TRAPPC13: variants seen among roughly 807,000 people sequenced by gnomAD.
TRAPPC13 encodes the protein trafficking protein particle complex subunit 13.
In TRAPPC13, 39 loss-of-function variants were observed where a neutral mutation model predicts 54.0. That is an observed-to-expected ratio of 0.72 (90% CI 0.56 to 0.94). The LOEUF is 0.94. TRAPPC13 is among the 40% of genes least tolerant of loss of function. The pLI is 0.00. For missense variants in TRAPPC13, 386 were observed against 488.1 expected (o/e 0.79, Z 1.97); for synonymous variants, 148 against 167.7 (o/e 0.88, Z 0.91).
At chr5:65,629,458 T>C in intron 1 of TRAPPC13, 2 of 1,415,956 alleles carry the variant, frequency 1.4e-6, no homozygotes, top group Non-Finnish European at 1.8e-6. Flanking sequence ...TTGCAATACT[T>C]CTACTTTAGG....
In TRAPPC13 at chr5:65,636,388, C is replaced by T. The variant is rs151183355; in HGVS notation, c.215+345C>T. On this transcript the variant is annotated intron_variant, in intron 3 of 12. Transcript: ENST00000399438. Reference sequence around the variant, plus strand: ...AACTCCTGACATCAGGTGATCCACCCGCCTCAGCCTCCCAAAGTGCTTGGA... The same window carrying T: ...AACTCCTGACATCAGGTGATCCACCTGCCTCAGCCTCCCAAAGTGCTTGGA... Among the ~76,000 whole-genome samples the T allele has an allele frequency of 4.1e-3, 617 of 152,078 alleles. 10 individuals are homozygous for T. The highest frequency in any genetic ancestry group is 0.023 in the East Asian group (120 of 5,182).
At position 65,643,677 on chromosome 5, in the gene TRAPPC13, T is replaced by C. The variant is rs570089173; in HGVS notation, c.301-3378T>C. Among the ~76,000 whole-genome samples the C allele has an allele frequency of 5.3e-4, 80 of 151,288 alleles. 1 individual carries two copies. The highest frequency in any genetic ancestry group is 7.4e-4 in the Non-Finnish European group (50 of 67,794). On this transcript the variant is annotated intron_variant, in intron 4 of 12. Coordinates refer to ENST00000399438, the MANE Select transcript of TRAPPC13 (RefSeq NM_024941.4). ...ACTAAAAATACAAAAATTAGCCGGG[T>C]GTGATGGCGGGCGCCTGTAGTCCCA...
At chr5:65,638,058 G>A (rs1180047643) in intron 4 of TRAPPC13, among the ~76,000 whole-genome samples, 1 of 150,468 alleles carries the variant, frequency 6.6e-6, no homozygotes, top group Non-Finnish European at 1.5e-5. Flanking sequence ...GGGAGGTGAA[G>A]GTTGCAGTGA....
At chr5:65,636,120 G>A (rs10471665) in intron 3 of TRAPPC13, 77 bp downstream of exon 3, 1 of 942,460 alleles carries the variant, frequency 1.1e-6, no homozygotes, top group African/African-American at 1.7e-5. Context: ...CCATGGGATG[G>A]GGAAATGCTC....
At chr5:65,658,873 C>T (rs1408042115) in intron 9 of TRAPPC13, among the ~76,000 whole-genome samples, 1 of 151,976 alleles carries the variant, frequency 6.6e-6, no homozygotes, top group Non-Finnish European at 1.5e-5. Flanking sequence ...GTGCATGCCA[C>T]CACGCTTGGT....
In TRAPPC13 at chr5:65,630,100, A is replaced by G. The variant is rs1755464541; in HGVS notation, c.46+4994A>G. On this transcript the variant is annotated intron_variant, in intron 1 of 12. Transcript: ENST00000399438. ...CACTTTATAGAGCAAGATGGACAAT[A>G]GAACACACTATTTGTAACAGCCAAA... 2.6e-6 allele frequency: 4 copies of G among 1,536,116 alleles called. No individual in the cohort carries two copies. In the African/African-American group the frequency reaches 5.5e-5, roughly 21 times the overall value.
At chr5:65,631,112 G>C (rs547225714) in intron 1 of TRAPPC13, among the ~76,000 whole-genome samples, 1 of 152,308 alleles carries the variant, frequency 6.6e-6, no homozygotes, top group South Asian at 2.1e-4. Flanking sequence ...TTTGCACTAG[G>C]TGCTAGGATA....
At chr5:65,663,243 G>A (rs901403312) in intron 11 of TRAPPC13, 1 of 151,794 alleles carries the variant, frequency 6.6e-6, no homozygotes, top group African/African-American at 2.4e-5. Context: ...TTAACTTTTG[G>A]TGATTCATAC....
chr5:65,632,933 A>G (rs1306620938), intron 1 of TRAPPC13, among the ~76,000 whole-genome samples: 2 of 152,212 alleles, frequency 1.3e-5, no homozygotes, highest in African/African-American at 4.8e-5. Context: ...TATTCAGGGA[A>G]GATCTGAATA....
intron 4 of TRAPPC13, among the ~76,000 whole-genome samples, chr5:65,645,067 G>A (rs1235836098): frequency 5.3e-5 from 8 of 151,622 alleles, no homozygotes; most frequent in Admixed American, 3.3e-4. Context: ...ATGTGGTGAC[G>A]GGCGCCTGTA....
At chr5:65,653,432 A>G (rs1235164397) in intron 7 of TRAPPC13, among the ~76,000 whole-genome samples, 1 of 152,190 alleles carries the variant, frequency 6.6e-6, no homozygotes, top group Non-Finnish European at 1.5e-5. Flanking sequence ...TTTACTCAGT[A>G]AAATTTATAC....
chr5:65,664,239 A>G lies in TRAPPC13; in HGVS notation c.1001A>G (p.Glu334Gly), dbSNP rs375122953. 10 of 1,613,184 alleles carry G rather than the reference A, an allele frequency of 6.2e-6. No individual in the cohort carries two copies. Among genetic ancestry groups the G allele is most frequent in the Non-Finnish European group, 8.5e-6 (10 of 1,179,584 alleles). ...HITCKITNCS[E>G]RTMDLVLEMC... ...TATTATTCTGATTCCTCCAGCAGTG[A>G]AAGGACTATGGATCTGGTTTTGGAA... is the stretch of plus-strand genomic sequence containing the variant. Residue 334 changes from glutamate (E) to glycine (G), a missense_variant and splice_region_variant, in exon 12 of 13, where the codon GAA becomes GGA. By Grantham distance (98) the Glu-to-Gly change is moderately conservative (BLOSUM62 -2). Coordinates refer to ENST00000399438, the MANE Select transcript of TRAPPC13 (RefSeq NM_024941.4).
intron 6 of TRAPPC13, among the ~76,000 whole-genome samples, 162 bp from the exon 7 acceptor site, chr5:65,652,339 C>CTTTTTTTTTTTTT (rs11354403): frequency 1.9e-4 from 22 of 116,188 alleles, no homozygotes; most frequent in Admixed American, 2.7e-4. Context: ...TTTTTCTTTT[C>CTTTTTTTTTTTTT]TTTTTTTTTT....
At chr5:65,654,717 G>A (rs1213023235) in intron 7 of TRAPPC13, among the ~76,000 whole-genome samples, 1 of 152,112 alleles carries the variant, frequency 6.6e-6, no homozygotes, top group African/African-American at 2.4e-5. Flanking sequence ...TAATAATGCT[G>A]TAATATGTGA....
At chr5:65,637,307 G>A (rs913837906) in intron 3 of TRAPPC13, among the ~76,000 whole-genome samples, 3 of 152,176 alleles carry the variant, frequency 2.0e-5, no homozygotes, top group Non-Finnish European at 4.4e-5. Flanking sequence ...TTCTCCATTT[G>A]AAGTTCTTAG....
chr5:65,650,382 G>A (rs1263667955), intron 5 of TRAPPC13, among the ~76,000 whole-genome samples: 3 of 151,644 alleles, frequency 2.0e-5, no homozygotes, highest in African/African-American at 4.8e-5. Flanking sequence ...GGCTGCTCTC[G>A]AACTCCTGAC....
At chr5:65,660,655 A>G in intron 9 of TRAPPC13, 44 bp from the exon 10 acceptor site, 1 of 1,476,780 alleles carries the variant, frequency 6.8e-7, no homozygotes, top group Non-Finnish European at 9.0e-7. Flanking sequence ...TTCTTTTAAA[A>G]GATGCTAGAG....
At chr5:65,627,920 A>G (rs1163962240) in intron 1 of TRAPPC13, among the ~76,000 whole-genome samples, 3 of 152,202 alleles carry the variant, frequency 2.0e-5, no homozygotes, top group Non-Finnish European at 4.4e-5. Flanking sequence ...TCAGACAGTG[A>G]TTCTATTGTG....
intron 4 of TRAPPC13, among the ~76,000 whole-genome samples, chr5:65,643,201 T>C (rs1423336296): frequency 6.6e-6 from 1 of 151,992 alleles, no homozygotes; most frequent in Non-Finnish European, 1.5e-5. Flanking sequence ...TAATTTATAG[T>C]TTTATTACAT....
Sources: allele counts gnomAD v4.1 joint callset (sites outside exome capture counted in the v4.1 genomes callset), GRCh38; gene constraint gnomAD v4.1.1; transcripts MANE v1.5; gene names NCBI Gene and HGNC (gene_info 2026-07-23, HGNC 2026-07-21).